A2ML1: variants seen among roughly 807,000 people sequenced by gnomAD.
A2ML1 encodes alpha-2-macroglobulin-like protein 1.
In A2ML1, 161 loss-of-function variants were observed where a neutral mutation model predicts 181.9. The ratio of observed to expected loss-of-function variants is 0.89; its 90% CI spans 0.78 to 1.01. The LOEUF (loss-of-function observed/expected upper bound fraction) is 1.01, where lower values mean the gene tolerates loss of function less well. A2ML1 is among the 50% of genes least tolerant of loss of function. The probability of loss-of-function intolerance (pLI) is 0.00; values close to 1 mark genes in which losing one functional copy is unlikely to be tolerated. For synonymous variants in A2ML1, 663 were observed against 666.8 expected (o/e 0.99, Z 0.09); for missense variants, 1,670 against 1,768.1 (o/e 0.94, Z 1.00).
At chr12:8,854,342 C>T in intron 21 of A2ML1, 93 bp downstream of exon 21, 1 of 1,478,626 alleles carries the variant, frequency 6.8e-7, no homozygotes, top group Non-Finnish European at 9.0e-7. Flanking sequence ...CAACCATACT[C>T]CAGTCCAACC....
chr12:8,878,213 G>T (rs2137008232), downstream of A2ML1, among the ~76,000 whole-genome samples: 1 of 152,288 alleles, frequency 6.6e-6, no homozygotes, highest in Middle Eastern at 3.4e-3. This position sits in a 1 kb window ranked among gnomAD's most constrained non-coding sequence, Gnocchi z 4.4. Flanking sequence ...TGAGGCAGGA[G>T]AATTGCTTGA....
At chr12:8,884,203 T>A (rs1944896402) in intron 7 of A2ML1, among the ~76,000 whole-genome samples, 1 of 152,122 alleles carries the variant, frequency 6.6e-6, no homozygotes, top group Non-Finnish European at 1.5e-5. Context: ...GGATTGACTT[T>A]CTTTTGAAAT....
At chr12:8,851,440 C>G (rs1455745285) in intron 18 of A2ML1, among the ~76,000 whole-genome samples, 1 of 151,904 alleles carries the variant, frequency 6.6e-6, no homozygotes, top group Non-Finnish European at 1.5e-5. Flanking sequence ...GGGTCTTGCC[C>G]TGTCACCCAG....
chr12:8,851,833 G>C lies in A2ML1; in HGVS notation c.2284G>C (p.Glu762Gln), dbSNP rs756409438. ...VHVTVPDAITEWKAMSFCTSQ... is the reference protein window; with the variant it reads ...VHVTVPDAITQWKAMSFCTSQ... ...CGTCACAGTTCCTGACGCCATCACC[G>C]AGTGGAAGGCGATGAGTTTCTGCAC... The change falls in exon 19 of 36, where the codon GAG (glutamate) becomes CAG (glutamine). Residue 762 changes from glutamate to glutamine, a missense_variant. Transcript: ENST00000299698. 1 of 1,614,058 alleles carries C rather than the reference G, an allele frequency of 6.2e-7. No individual in the cohort carries two copies. The highest frequency in any genetic ancestry group is 1.3e-5 in the African/African-American group (1 of 74,916).
intron 6 of A2ML1, 128 bp downstream of exon 6, chr12:8,835,794 A>G: frequency 8.0e-7 from 1 of 1,256,278 alleles, no homozygotes; most frequent in South Asian, 1.4e-5. Context: ...CGGGCAGATC[A>G]TGAGGTCAGG....
downstream of A2ML1, among the ~76,000 whole-genome samples, chr12:8,879,068 T>A (rs1230924814): frequency 6.6e-6 from 1 of 152,148 alleles, no homozygotes; most frequent in Non-Finnish European, 1.5e-5. Context: ...TTCTCCTCCA[T>A]CCTTGTGTCT....
At chr12:8,885,644 G>C (rs745677327) in intron 7 of A2ML1, among the ~76,000 whole-genome samples, 12 of 152,054 alleles carry the variant, frequency 7.9e-5, no homozygotes, top group African/African-American at 2.7e-4. Flanking sequence ...GTATTGTTTT[G>C]ATAGAGTTGG....
chr12:8,855,556 G>T lies in A2ML1; in HGVS notation c.2812G>T (p.Val938Phe). ...CTCCCTGGAGCTCCCAGTGGACATT[G>T]TTCCTGACTCGACCAAGGCTTATGT... ...SVSLELPVDI[V>F]PDSTKAYVTV... The change falls in exon 23 of 36, where the codon GTT (valine) becomes TTT (phenylalanine). Residue 938 changes from valine to phenylalanine, a missense_variant. Transcript: ENST00000299698. 6.2e-7 allele frequency: 1 copy of T among 1,614,136 alleles called. No homozygotes were observed. The highest frequency in any genetic ancestry group is 8.5e-7 in the Non-Finnish European group (1 of 1,180,030).
intron 22 of A2ML1, among the ~76,000 whole-genome samples, chr12:8,855,304 G>C (rs764341581): frequency 2.6e-5 from 4 of 152,190 alleles, no homozygotes; most frequent in Non-Finnish European, 5.9e-5. Context: ...AGGAAGAAGA[G>C]AAAGTGTGCA....
At position 8,868,084 on chromosome 12, in the gene A2ML1, G is replaced by A. The variant is rs16917857; in HGVS notation, c.3933+27G>A. 0.047 allele frequency: 76,239 copies of A among 1,611,610 alleles called. 2,371 individuals carry two copies. Among genetic ancestry groups the A allele is most frequent in the African/African-American group, 0.13 (10,063 of 74,988 alleles). Reference sequence around the variant, plus strand: ...TAAGTAGAGATCCATGAGAATGAGCGGACATTGGGAAGGAGAGTCGGAGAG... The same window carrying A: ...TAAGTAGAGATCCATGAGAATGAGCAGACATTGGGAAGGAGAGTCGGAGAG... On this transcript the variant is annotated intron_variant, in intron 30 of 35. Transcript: ENST00000299698.
chr12:8,884,674 C>A (rs1565501562), intron 7 of A2ML1, among the ~76,000 whole-genome samples: 2 of 152,212 alleles, frequency 1.3e-5, no homozygotes, highest in Non-Finnish European at 2.9e-5. Context: ...GTAGCTGGGA[C>A]AACAGGCATG....
At chr12:8,867,227 A>G (rs1422634155) in intron 29 of A2ML1, among the ~76,000 whole-genome samples, 1 of 152,258 alleles carries the variant, frequency 6.6e-6, no homozygotes, top group Non-Finnish European at 1.5e-5. Context: ...TATATACTGA[A>G]CAATTATCCA....
intron 32 of A2ML1, 109 bp downstream of exon 32, chr12:8,868,736 A>AAG: frequency 5.0e-6 from 3 of 602,170 alleles, no homozygotes; most frequent in Non-Finnish European, 8.5e-6. Context: ...CACACACACA[A>AAG]GGCATGTATA....
rs1409944554 is a variant in A2ML1, at chr12:8,822,661, C to T, written c.10C>T (p.Gln4Ter). 1 of 1,614,174 alleles carries T rather than the reference C, an allele frequency of 6.2e-7. No homozygotes were observed. ...TGTCTCACCCACAAAGATGTGGGCTCAGCTCCTTCTAGGAATGTTGGCCCT... is the reference window on the plus strand; with the variant it reads ...TGTCTCACCCACAAAGATGTGGGCTTAGCTCCTTCTAGGAATGTTGGCCCT... MWA[Q>*]LLLGMLALSP... The change falls in exon 1 of 36, where the codon CAG (glutamine) becomes TAG (stop). Residue 4 changes from glutamine to a stop codon, truncating the protein, a stop_gained. Coordinates refer to ENST00000299698, the MANE Select transcript of A2ML1 (RefSeq NM_144670.6). LOFTEE classifies it high-confidence loss of function.
At chr12:8,851,130 C>T (rs144731843) in intron 18 of A2ML1, among the ~76,000 whole-genome samples, 1 of 152,310 alleles carries the variant, frequency 6.6e-6, no homozygotes, top group East Asian at 1.9e-4. Flanking sequence ...GTTCTCACTA[C>T]AGAACCACAC....
intron 6 of A2ML1, among the ~76,000 whole-genome samples, chr12:8,835,939 G>C (rs773435755): frequency 2.9e-4 from 44 of 151,130 alleles, no homozygotes; most frequent in Middle Eastern, 3.4e-3. Context: ...CGTGAACCTG[G>C]GAGGTGCAGC....
At chr12:8,842,391 TG>T (rs1943516492) in intron 11 of A2ML1, among the ~76,000 whole-genome samples, 1 of 137,556 alleles carries the variant, frequency 7.3e-6, no homozygotes, top group Non-Finnish European at 1.6e-5. Context: ...GCTAATTTTT[TG>T]TATTTTTTAG....
Position 8,823,616 on chromosome 12 carries a change from C to T in A2ML1, c.247-104C>T, listed in dbSNP as rs752641991. The T allele has an allele frequency of 7.7e-6, 10 of 1,292,104 alleles. No individual in the cohort carries two copies. In the African/African-American group the frequency reaches 1.0e-4, roughly 13 times the overall value. The allele number at this position is 1,292,104 out of a possible 1,614,324, so 80.0% of individuals were successfully genotyped here. On this transcript the variant is annotated intron_variant, in intron 2 of 35. Coordinates refer to ENST00000299698, the MANE Select transcript of A2ML1 (RefSeq NM_144670.6). ...TTTTATGTCTCTATCCTTGCTACCC[C>T]CATCTAACTCAGCTCTTTCCTTTAA...
In A2ML1 at chr12:8,850,259, A is replaced by G. The variant is rs1331538940; in HGVS notation, c.2219A>G (p.Asp740Gly). 1 of 1,612,554 alleles carries G rather than the reference A, an allele frequency of 6.2e-7. No individual in the cohort carries two copies. Among genetic ancestry groups the G allele is most frequent in the Admixed American group, 1.7e-5 (1 of 59,786 alleles). Residue 740 changes from aspartate to glycine, a missense_variant, in exon 18 of 36, where the codon GAT becomes GGT. Asp to Gly is a moderately conservative substitution (Grantham distance 94, BLOSUM62 -1). Transcript: ENST00000299698. ...TACTTCCCAGAGACCTGGCTCTGGG[A>G]TCTGTTTCCTATTGGGTAAGTGATG... is the stretch of plus-strand genomic sequence containing the variant. ...RQYFPETWLWDLFPIGNSGKE... is the reference protein window; with the variant it reads ...RQYFPETWLWGLFPIGNSGKE...
Sources: allele counts gnomAD v4.1 joint callset (sites outside exome capture counted in the v4.1 genomes callset), GRCh38; gene constraint gnomAD v4.1.1; non-coding constraint Gnocchi (gnomAD v3.1); transcripts MANE v1.5; gene names NCBI Gene and HGNC (gene_info 2026-07-23, HGNC 2026-07-21).